The following STX17 variants were observed in gnomAD, a reference collection of about 807,000 sequenced individuals.
STX17 encodes syntaxin-17.
STX17 carries 29 observed loss-of-function variants against 35.9 expected under a neutral mutation model. The observed-to-expected ratio is 0.81, with a 90% CI of 0.60 to 1.10. The LOEUF is 1.10. Among genes scored for constraint, STX17 ranks in the 50% least tolerant of loss-of-function variants. The pLI is 0.00. For missense variants in STX17, 312 were observed against 352.3 expected (o/e 0.89, Z 0.92); for synonymous variants, 92 against 118.3 (o/e 0.78, Z 1.44).
chr9:99,916,422 TATTTATTTATTCATTC>T (rs1828772339), intron 2 of STX17, among the ~76,000 whole-genome samples: 1 of 128,634 alleles, frequency 7.8e-6, no homozygotes, highest in Admixed American at 8.1e-5. Context: ...TTTATTTATT[TATTTATTTATTCATTC>T]ATTCATTCAT....
At chr9:99,912,370 ATGT>A (rs1338677433) in intron 1 of STX17, among the ~76,000 whole-genome samples, 1 of 151,888 alleles carries the variant, frequency 6.6e-6, no homozygotes, top group Non-Finnish European at 1.5e-5. Flanking sequence ...ATGATTAATG[ATGT>A]TGAGCATTAA....
At chr9:99,933,793 A>G (rs990625545) in intron 3 of STX17, among the ~76,000 whole-genome samples, 2 of 152,172 alleles carry the variant, frequency 1.3e-5, no homozygotes, top group Non-Finnish European at 2.9e-5. Flanking sequence ...ACACATTGTA[A>G]TTGCATTATT....
chr9:99,925,067 C>G (rs1366762851), intron 2 of STX17, among the ~76,000 whole-genome samples: 2 of 152,082 alleles, frequency 1.3e-5, no homozygotes, highest in Admixed American at 6.5e-5. Flanking sequence ...TCTTTTCCCT[C>G]TTTCTTTTGG....
At chr9:99,919,390 T>G (rs757383080) in intron 2 of STX17, among the ~76,000 whole-genome samples, 76 of 152,124 alleles carry the variant, frequency 5.0e-4, no homozygotes, top group Non-Finnish European at 9.7e-4. Context: ...ATTACAGACA[T>G]GAACAACCAT....
At chr9:99,955,163 C>G (rs1250463102) in intron 4 of STX17, among the ~76,000 whole-genome samples, 1 of 152,068 alleles carries the variant, frequency 6.6e-6, no homozygotes, top group Non-Finnish European at 1.5e-5. Context: ...ACACACACTT[C>G]AGTAACACAA....
intron 3 of STX17, among the ~76,000 whole-genome samples, chr9:99,930,424 C>T (rs1370439766): frequency 2.0e-5 from 3 of 151,880 alleles, no homozygotes; most frequent in Non-Finnish European, 4.4e-5. Context: ...CCCACCACCA[C>T]GCCCAGCTAA....
intron 2 of STX17, among the ~76,000 whole-genome samples, chr9:99,919,997 C>G (rs1828857950): frequency 6.6e-6 from 1 of 152,146 alleles, no homozygotes; most frequent in Non-Finnish European, 1.5e-5. Context: ...TTTCATTTCT[C>G]TTTTTAGTGT....
chr9:99,931,703 C>A (rs1005580694), intron 3 of STX17, among the ~76,000 whole-genome samples: 2 of 152,112 alleles, frequency 1.3e-5, no homozygotes, highest in Non-Finnish European at 2.9e-5. Flanking sequence ...AGTCCCTGTT[C>A]TATTGGATGT....
chr9:99,924,180 C>G (rs960678627), intron 2 of STX17, among the ~76,000 whole-genome samples: 12 of 152,186 alleles, frequency 7.9e-5, no homozygotes, highest in African/African-American at 2.9e-4. Flanking sequence ...GGCAGGACCC[C>G]CTCTGGAATG....
Position 99,911,838 on chromosome 9 carries a change from A to G in STX17, c.-62-3340A>G, listed in dbSNP as rs187090632. On this transcript the variant is annotated intron_variant, in intron 1 of 7. Transcript: ENST00000259400. ...GTGATCCTCCTGCTTCAGCCTTCCAAAGTGCTGGAATTACAGCTATGAGCC... is the reference window on the plus strand; with the variant it reads ...GTGATCCTCCTGCTTCAGCCTTCCAGAGTGCTGGAATTACAGCTATGAGCC... Among the ~76,000 whole-genome samples the G allele has an allele frequency of 3.0e-4, 45 of 152,288 alleles. No individual in the cohort carries two copies. In the East Asian group the frequency reaches 7.3e-3, roughly 25 times the overall value.
At chr9:99,908,639 A>G (rs1828601318) in intron 1 of STX17, among the ~76,000 whole-genome samples, 1 of 151,338 alleles carries the variant, frequency 6.6e-6, no homozygotes, top group Non-Finnish European at 1.5e-5. Context: ...GAACTTCCTA[A>G]TTTTCTGGTA....
chr9:99,936,655 G>T (rs982955752), intron 3 of STX17, among the ~76,000 whole-genome samples: 1 of 151,632 alleles, frequency 6.6e-6, no homozygotes, highest in African/African-American at 2.4e-5. Flanking sequence ...CAGTTTATTT[G>T]CAAGTGGTAT....
Position 99,973,415 on chromosome 9 carries a change from G to A in STX17, c.*4742G>A, listed in dbSNP as rs1010587013. ...CTTCAACATTCCAAATCAGGCAATA[G>A]CTACAACGGAAAGATAATTGGACGG... is the stretch of plus-strand genomic sequence containing the variant. On this transcript the variant is annotated 3_prime_UTR_variant, in exon 8 of 8. Transcript: ENST00000259400. Among the ~76,000 whole-genome samples the A allele has an allele frequency of 6.6e-6, 1 of 152,192 alleles. No individual in the cohort carries two copies. Among genetic ancestry groups the A allele is most frequent in the Non-Finnish European group, 1.5e-5 (1 of 68,040 alleles).
intron 3 of STX17, among the ~76,000 whole-genome samples, chr9:99,949,899 A>G (rs1304866423): frequency 6.6e-6 from 1 of 151,610 alleles, no homozygotes; most frequent in Non-Finnish European, 1.5e-5. Flanking sequence ...TAAACCTAGT[A>G]AAGATAGTAT....
At chr9:99,943,555 C>T (rs190345147) in intron 3 of STX17, among the ~76,000 whole-genome samples, 49 of 152,272 alleles carry the variant, frequency 3.2e-4, no homozygotes, top group African/African-American at 1.1e-3. Flanking sequence ...ATGATCTGCC[C>T]ACCTTGGCCT....
intron 3 of STX17, among the ~76,000 whole-genome samples, chr9:99,932,085 AC>A (rs1393853284): frequency 6.6e-6 from 1 of 152,154 alleles, no homozygotes; most frequent in Non-Finnish European, 1.5e-5. Flanking sequence ...TGCTTATCTT[AC>A]AAAGTTATAG....
At chr9:99,923,631 T>G (rs938793918) in intron 2 of STX17, among the ~76,000 whole-genome samples, 4 of 152,170 alleles carry the variant, frequency 2.6e-5, no homozygotes, top group Non-Finnish European at 4.4e-5. Flanking sequence ...TCTGGTGCTG[T>G]CTACCTAGAG....
chr9:99,937,245 C>T (rs940145384), intron 3 of STX17, among the ~76,000 whole-genome samples: 1 of 151,940 alleles, frequency 6.6e-6, no homozygotes, highest in African/African-American at 2.4e-5. Flanking sequence ...CATTTTCTTC[C>T]TGTCTTGTGC....
At position 99,940,878 on chromosome 9, in the gene STX17, G is replaced by C. The variant is rs567627927; in HGVS notation, c.190-10182G>C. Among the ~76,000 whole-genome samples, 5 of 152,232 alleles carry C rather than the reference G, an allele frequency of 3.3e-5. No homozygotes were observed. The South Asian group carries it at 8.3e-4, about 25-fold the overall frequency. On this transcript the variant is annotated intron_variant, in intron 3 of 7. Coordinates refer to ENST00000259400, the MANE Select transcript of STX17 (RefSeq NM_017919.3). ...TCATACAGCTTTTTTCTTTAAACTT[G>C]ATCAAATTATCTTTCCTAAAGAATC...
Sources: gnomAD v4.1 joint callset for allele counts (sites outside exome capture counted in the v4.1 genomes callset) on GRCh38, gnomAD v4.1.1 for gene constraint, MANE v1.5 for transcripts, NCBI Gene and HGNC (gene_info 2026-07-23, HGNC 2026-07-21) for gene names.